The following ME3 variants were observed in gnomAD, a reference collection of about 807,000 sequenced individuals.
ME3 encodes NADP-dependent malic enzyme, mitochondrial.
ME3 carries 48 observed loss-of-function variants against 68.9 expected under a neutral mutation model. The ratio of observed to expected loss-of-function variants is 0.70; its 90% CI spans 0.55 to 0.89. The LOEUF is 0.89. Among genes scored for constraint, ME3 ranks in the 40% least tolerant of loss-of-function variants. The pLI, the probability that ME3 is intolerant of heterozygous loss-of-function variation, is 0.00. For synonymous variants in ME3, 320 were observed against 318.8 expected, an observed-to-expected ratio of 1.00 and a Z score of -0.04; for missense variants, 675 against 797.4, an observed-to-expected ratio of 0.85 and a Z score of 1.85.
At chr11:86,584,840 T>C (rs1006779236) in intron 2 of ME3, among the ~76,000 whole-genome samples, 1 of 152,212 alleles carries the variant, frequency 6.6e-6, no homozygotes, top group South Asian at 2.1e-4. Context: ...ATTTCAGTTA[T>C]GAAAAATGAA....
chr11:86,608,256 A>C (rs754459267), intron 2 of ME3, among the ~76,000 whole-genome samples: 6 of 152,134 alleles, frequency 3.9e-5, no homozygotes, highest in East Asian at 1.9e-4. Context: ...AGGGAGAAAG[A>C]AGCAGCCAAG....
intron 2 of ME3, among the ~76,000 whole-genome samples, chr11:86,670,570 CT>C (rs1289975372): frequency 5.3e-5 from 8 of 152,136 alleles, no homozygotes; most frequent in Non-Finnish European, 1.2e-4. Flanking sequence ...TTTAAGGTTT[CT>C]TTTGGAAAGA....
At chr11:86,561,167 C>G (rs998712029) in intron 2 of ME3, among the ~76,000 whole-genome samples, 2 of 152,064 alleles carry the variant, frequency 1.3e-5, no homozygotes, top group African/African-American at 4.8e-5. Flanking sequence ...TCTTGGATTT[C>G]TTTGACATAC....
At chr11:86,471,507 T>C (rs1188589061) in intron 7 of ME3, among the ~76,000 whole-genome samples, 1 of 152,208 alleles carries the variant, frequency 6.6e-6, no homozygotes, top group African/African-American at 2.4e-5. Context: ...TCTTGTCTTC[T>C]CTGGGGTCCC....
At position 86,457,810 on chromosome 11, in the gene ME3, A is replaced by T. The variant is rs114951342; in HGVS notation, c.919+7281T>A. The T allele has an allele frequency of 1.1e-3, 1,418 of 1,257,214 alleles. 8 individuals carry two copies. The African/African-American group carries it at 0.02, about 18-fold the overall frequency. 77.9% of individuals were successfully genotyped at this position (1,257,214 alleles called of 1,614,324 possible). ...TTTTTTTTTCCAGAGGGAGATTTCC[A>T]TAATTACATTTCCTGCAAACTGAGT... On this transcript the variant is annotated intron_variant, in intron 8 of 14. Transcript: ENST00000543262.
intron 4 of ME3, among the ~76,000 whole-genome samples, chr11:86,512,417 TTTG>T (rs1200396668): frequency 1.4e-4 from 22 of 152,342 alleles, no homozygotes; most frequent in African/African-American, 3.8e-4. Flanking sequence ...TGCATCTATT[TTTG>T]TTGTTATTAT....
intron 4 of ME3, among the ~76,000 whole-genome samples, chr11:86,527,685 G>C (rs755204510): frequency 3.0e-4 from 46 of 152,320 alleles, no homozygotes; most frequent in Non-Finnish European, 5.3e-4. Context: ...AGCCAGAAGA[G>C]AGTGGGGGCC....
chr11:86,547,064 C>T (rs1956399706), intron 4 of ME3, among the ~76,000 whole-genome samples: 2 of 151,936 alleles, frequency 1.3e-5, no homozygotes, highest in African/African-American at 2.4e-5. Context: ...CAGTGAAACC[C>T]CATCTCTACT....
intron 8 of ME3, among the ~76,000 whole-genome samples, chr11:86,460,023 G>T (rs1950153082): frequency 6.6e-6 from 1 of 152,330 alleles, no homozygotes; most frequent in East Asian, 1.9e-4. Flanking sequence ...CCCTTGTGTG[G>T]CTCTCCTTCC....
At chr11:86,511,576 G>A (rs976405860) in intron 4 of ME3, among the ~76,000 whole-genome samples, 1 of 152,192 alleles carries the variant, frequency 6.6e-6, no homozygotes, top group African/African-American at 2.4e-5. Context: ...TAACTTTGAA[G>A]CAAGTGTGAT....
chr11:86,446,585 C>A, intron 12 of ME3, 98 bp from the exon 13 acceptor site: 1 of 1,206,808 alleles, frequency 8.3e-7, no homozygotes, highest in South Asian at 1.4e-5. Flanking sequence ...CCTTCTTCAT[C>A]CTCTCCCAAA....
intron 5 of ME3, among the ~76,000 whole-genome samples, chr11:86,501,727 G>A (rs367549859): frequency 7.9e-5 from 12 of 152,244 alleles, no homozygotes; most frequent in African/African-American, 1.9e-4. Context: ...GTTCAAAAAC[G>A]TCCAGTCTTC....
chr11:86,491,521 G>A (rs893200827), intron 6 of ME3, among the ~76,000 whole-genome samples: 10 of 152,214 alleles, frequency 6.6e-5, no homozygotes, highest in Non-Finnish European at 1.5e-4. Flanking sequence ...TTTAGCAGGA[G>A]TGGAAATGGC....
intron 2 of ME3, among the ~76,000 whole-genome samples, chr11:86,571,463 G>A (rs1957785282): frequency 1.3e-5 from 2 of 152,208 alleles, no homozygotes; most frequent in South Asian, 4.1e-4. Context: ...TGAGGAAAAT[G>A]TTCTGTATCT....
At chr11:86,613,712 G>T (rs1594669797) in intron 2 of ME3, among the ~76,000 whole-genome samples, 1 of 151,872 alleles carries the variant, frequency 6.6e-6, no homozygotes, top group African/African-American at 2.4e-5. Context: ...TGAACTCCCA[G>T]TCACCATTGC....
downstream of ME3, among the ~76,000 whole-genome samples, chr11:86,439,695 C>T (rs1190151557): frequency 1.3e-5 from 2 of 152,286 alleles, no homozygotes; most frequent in South Asian, 4.1e-4. Context: ...TTGTTTTTGT[C>T]TTGGTTAGTA....
chr11:86,509,769 A>AG (rs1469174676), intron 4 of ME3, among the ~76,000 whole-genome samples: 1 of 151,936 alleles, frequency 6.6e-6, no homozygotes, highest in Non-Finnish European at 1.5e-5. Context: ...AAAAAAAAAA[A>AG]AAAAAAGTAC....
In ME3 at chr11:86,448,498, T is replaced by A. The variant is rs1206390498; in HGVS notation, c.1132-243A>T. On this transcript the variant is annotated intron_variant, in intron 10 of 14. Transcript: ENST00000543262. The stretch of plus-strand genomic sequence containing the variant: ...TTTAACCCAAACCACATATGGAGAA[T>A]CCATAAAGAATTTATTTGAGCTGTT... 1.3e-5 allele frequency among the ~76,000 whole-genome samples: 2 copies of A among 152,052 alleles called. 1 individual carries two copies. The highest frequency in any genetic ancestry group is 2.9e-5 in the Non-Finnish European group (2 of 68,008).
At chr11:86,603,864 A>AT (rs1384045466) in intron 2 of ME3, among the ~76,000 whole-genome samples, 1 of 146,828 alleles carries the variant, frequency 6.8e-6, no homozygotes, top group South Asian at 2.2e-4. Context: ...CAAGCACCGC[A>AT]TGTTCTCACT....
Sources: gnomAD v4.1 joint callset for allele counts (sites outside exome capture counted in the v4.1 genomes callset) on GRCh38, gnomAD v4.1.1 for gene constraint, MANE v1.5 for transcripts, NCBI Gene and HGNC (gene_info 2026-07-23, HGNC 2026-07-21) for gene names.